Variants in RGS14 observed in about 807,000 individuals in gnomAD.
RGS14 encodes regulator of G protein signaling 14.
RGS14 carries 33 observed loss-of-function variants against 63.8 expected under a neutral mutation model. That is an observed-to-expected ratio of 0.52 (90% CI 0.39 to 0.69). The LOEUF is 0.69. RGS14 is among the 30% of genes least tolerant of loss of function. The pLI is 0.00. For missense variants in RGS14, 739 were observed against 742.9 expected, an observed-to-expected ratio of 0.99 and a Z score of 0.06; for synonymous variants, 296 against 320.9, an observed-to-expected ratio of 0.92 and a Z score of 0.83.
rs773373731 is a variant in RGS14 at position 177,371,132 on chromosome 5, C to T, written c.1255-33C>T. 1.3e-6 allele frequency: 2 copies of T among 1,572,732 alleles called. No homozygotes were observed. The highest frequency in any genetic ancestry group is 1.7e-6 in the Non-Finnish European group (2 of 1,158,400). ...GGCCGGGGCCGGGGCCGGGCGGAGG[C>T]CTGTACCGCGGGCTGCTGACCTCTC... On this transcript the variant is annotated intron_variant, in intron 11 of 14. Transcript: ENST00000408923. The surrounding 1 kb of genome is among the most constrained non-coding windows in gnomAD (Gnocchi z 6.1).
chr5:177,366,333 C>T lies in RGS14; in HGVS notation c.224C>T (p.Pro75Leu), dbSNP rs746954764. Residue 75 changes from proline to leucine, a missense_variant, in exon 3 of 15, where the codon CCG (proline) becomes CTG (leucine). By Grantham distance (98) the Pro-to-Leu change is moderately conservative. Coordinates refer to ENST00000408923, the MANE Select transcript of RGS14 (RefSeq NM_006480.5). ...ALSFERLLQD[P>L]LGLAYFTEFL... The stretch of plus-strand genomic sequence containing the variant: ...TCCTTCGAGCGGCTGTTGCAGGACC[C>T]GCTGGGCCTGGCTTACTTCACTGTA... 1.3e-6 allele frequency: 2 copies of T among 1,549,784 alleles called. No individual in the cohort carries two copies. Among genetic ancestry groups the T allele is most frequent in the Non-Finnish European group, 1.7e-6 (2 of 1,147,134 alleles).
intron 1 of RGS14, among the ~76,000 whole-genome samples, chr5:177,362,823 C>T (rs982616776): frequency 6.6e-6 from 1 of 152,102 alleles, no homozygotes; most frequent in Non-Finnish European, 1.5e-5. Context: ...TGGGGAGGAT[C>T]TAGCAGGCAG....
At position 177,371,708 on chromosome 5, in the gene RGS14, C is replaced by T. The variant is rs1410881940; in HGVS notation, c.1498+119C>T. 3 of 1,144,396 alleles carry T rather than the reference C, an allele frequency of 2.6e-6. No homozygotes were observed. Among genetic ancestry groups the T allele is most frequent in the Middle Eastern group, 2.5e-4 (1 of 3,954 alleles). The allele number at this position is 1,144,396 out of a possible 1,614,324, so 70.9% of individuals were successfully genotyped here. A position where few individuals can be genotyped will look rare whatever the true frequency, so the allele number is the denominator to read the frequency against. Reference sequence around the variant, plus strand: ...GGGCTGGGTGCCACTGGGCGTGGAACAGGAAGGATGGGGGTTGGGGGGTCA... The same window carrying T: ...GGGCTGGGTGCCACTGGGCGTGGAATAGGAAGGATGGGGGTTGGGGGGTCA... On this transcript the variant is annotated intron_variant, in intron 14 of 14. Transcript: ENST00000408923. The surrounding 1 kb of genome is among the most constrained non-coding windows in gnomAD (Gnocchi z 6.1).
rs1431037582 is a variant in RGS14 at position 177,358,010 on chromosome 5, CT to C, written c.-14del. The stretch of plus-strand genomic sequence containing the variant: ...TGGGCAGCCCCCGCGGCGGGGACCC[CT>C]GATCGGCAGCGGCATGCCAGGGAAG... On this transcript the variant is annotated 5_prime_UTR_variant, in exon 1 of 15. It removes the in-frame stop codon of an upstream open reading frame in the 5' UTR. Transcript: ENST00000408923. The surrounding 1 kb of genome is among the most constrained non-coding windows in gnomAD (Gnocchi z 4.8). 26 of 1,356,370 alleles carry C rather than the reference CT, an allele frequency of 1.9e-5. No homozygotes were observed. The highest frequency in any genetic ancestry group is 6.1e-5 in the Admixed American group (2 of 32,864). 84.0% of individuals were successfully genotyped at this position (1,356,370 alleles called of 1,614,324 possible).
At chr5:177,367,331 A>G (rs1206009927) in intron 5 of RGS14, 83 bp from the exon 6 acceptor site, 4 of 1,470,034 alleles carry the variant, frequency 2.7e-6, no homozygotes, top group East Asian at 5.0e-5. Context: ...GGGCGGGGCC[A>G]GCCCCAAGGA....
chr5:177,371,701 C>G lies in RGS14; in HGVS notation c.1498+112C>G, dbSNP rs906062996. The G allele has an allele frequency of 5.0e-5, 47 of 940,514 alleles. No homozygotes were observed. Among genetic ancestry groups the G allele is most frequent in the Non-Finnish European group, 6.9e-5 (47 of 677,504 alleles). The allele number at this position is 940,514 out of a possible 1,614,324, so 58.3% of individuals were successfully genotyped here. The stretch of plus-strand genomic sequence containing the variant: ...AGGCAGGGGGCTGGGTGCCACTGGG[C>G]GTGGAACAGGAAGGATGGGGGTTGG... On this transcript the variant is annotated intron_variant, in intron 14 of 14. Transcript: ENST00000408923. The surrounding 1 kb of genome is among the most constrained non-coding windows in gnomAD (Gnocchi z 6.1).
At position 177,370,619 on chromosome 5, in the gene RGS14, T is replaced by A; in HGVS notation, c.1082T>A (p.Val361Glu). Residue 361 changes from valine (V) to glutamate (E), a missense_variant, in exon 10 of 15, where the codon GTG becomes GAG. Val to Glu is a moderately radical substitution (Grantham distance 121, BLOSUM62 -2). Coordinates refer to ENST00000408923, the MANE Select transcript of RGS14 (RefSeq NM_006480.5). Reference protein sequence around the residue: ...QALVLDQDCTVLADQEVRLEN... With the variant: ...QALVLDQDCTELADQEVRLEN... ...CTGGTCCTGGATCAGGACTGCACCG[T>A]GCTGGCGGATCAGGAAGTGCGGCTG... 6.2e-7 allele frequency: 1 copy of A among 1,614,098 alleles called. No homozygotes were observed. The highest frequency in any genetic ancestry group is 8.5e-7 in the Non-Finnish European group (1 of 1,179,982).
intron 1 of RGS14, among the ~76,000 whole-genome samples, chr5:177,363,272 G>T (rs1455511497): frequency 1.3e-5 from 2 of 151,992 alleles, no homozygotes; most frequent in Admixed American, 6.6e-5. Flanking sequence ...TTGACTCTGC[G>T]GGGAGGACAG....
chr5:177,365,844 T>G, intron 1 of RGS14, 119 bp from the exon 2 acceptor site: 1 of 1,014,962 alleles, frequency 9.9e-7, no homozygotes, highest in Non-Finnish European at 1.6e-6. Flanking sequence ...AAGTAGAACC[T>G]GGCCGGGGAT....
At position 177,371,069 on chromosome 5, in the gene RGS14, C is replaced by CGGGGCGGGGCCGGGGCCG. The variant is rs566940283; in HGVS notation, c.1254+41_1254+42insGCGGGGCCGGGGCCGGGG. The CGGGGCGGGGCCGGGGCCG allele has an allele frequency of 2.2e-5, 12 of 552,532 alleles. No individual in the cohort carries two copies. The African/African-American group carries it at 3.9e-4, about 18-fold the overall frequency. 34.2% of individuals were successfully genotyped at this position (552,532 alleles called of 1,614,324 possible). On this transcript the variant is annotated intron_variant, in intron 11 of 14. Transcript: ENST00000408923. This position sits in a 1 kb window ranked among gnomAD's most constrained non-coding sequence, Gnocchi z 6.1. ...GCCGCGGGGCGGGGCGGGGCGGGGCCGGGCCGGGGCCGGGGCCGGGGCCGG... is the reference window on the plus strand; with the variant it reads ...GCCGCGGGGCGGGGCGGGGCGGGGCCGGGGCGGGGCCGGGGCCGGGGCCGGGGCCGGGGCCGGGGCCGG...
Position 177,367,766 on chromosome 5 carries a change from G to A in RGS14, c.680G>A (p.Gly227Glu), listed in dbSNP as rs112492565. The A allele has an allele frequency of 1.2e-6, 2 of 1,612,858 alleles. No individual in the cohort carries two copies. Among genetic ancestry groups the A allele is most frequent in the Non-Finnish European group, 1.7e-6 (2 of 1,179,634 alleles). Residue 227 changes from glycine (G) to glutamate (E), a missense_variant, in exon 7 of 15, where the codon GGG becomes GAG. Transcript: ENST00000408923. ...CTGCCGCTGGGTGTGGAGGAGTTGG[G>A]GCAGCTGCCACCCGTTGAGGGTCCT... is the stretch of plus-strand genomic sequence containing the variant. ...KSLPLGVEELGQLPPVEGPGG... is the reference protein window; with the variant it reads ...KSLPLGVEELEQLPPVEGPGG...
rs1762085743 is a variant in RGS14, at chr5:177,366,157, A to G, written c.68-20A>G. On this transcript the variant is annotated intron_variant, in intron 2 of 14. Transcript: ENST00000408923. ...GGGGAAGGCAGCAAGGCTCACCCCA[A>G]CTTGTCCATCCCCCTGCAGAGCTGA... is the stretch of plus-strand genomic sequence containing the variant. The G allele has an allele frequency of 6.2e-7, 1 of 1,600,828 alleles. No homozygotes were observed. Among genetic ancestry groups the G allele is most frequent in the Non-Finnish European group, 8.5e-7 (1 of 1,173,210 alleles).
At chr5:177,365,883 C>G in intron 1 of RGS14, 80 bp from the exon 2 acceptor site, 1 of 1,449,878 alleles carries the variant, frequency 6.9e-7, no homozygotes, top group Admixed American at 1.7e-5. Context: ...GCAGTTCCAG[C>G]TCCTGGGAGT....
intron 2 of RGS14, 65 bp from the exon 3 acceptor site, chr5:177,366,112 G>T: frequency 1.9e-6 from 3 of 1,603,332 alleles, no homozygotes; most frequent in Non-Finnish European, 2.6e-6. Flanking sequence ...CATGGGGGAG[G>T]GTGGGTTGTG....
Position 177,358,537 on chromosome 5 carries a change from G to C in RGS14, c.45+468G>C, listed in dbSNP as rs995497149. On this transcript the variant is annotated intron_variant, in intron 1 of 14. Transcript: ENST00000408923. The surrounding 1 kb of genome is among the most constrained non-coding windows in gnomAD (Gnocchi z 4.8). ...TCCTCCAGCCGGAGCTACTCCAGAG[G>C]CTTCCTGCCAGAACTAGCATTGTTT... is the stretch of plus-strand genomic sequence containing the variant. Among the ~76,000 whole-genome samples the C allele has an allele frequency of 1.3e-5, 2 of 152,224 alleles. No homozygotes were observed. Among genetic ancestry groups the C allele is most frequent in the African/African-American group, 4.8e-5 (2 of 41,450 alleles).
In RGS14 at chr5:177,371,370, C is replaced by T. The variant is rs1036084789; in HGVS notation, c.1357C>T (p.Arg453Cys). The change falls in exon 13 of 15, where the codon CGT becomes TGT. Residue 453 changes from arginine (R) to cysteine (C), a missense_variant. Physicochemically the swap from Arg to Cys is radical, Grantham distance 180. Coordinates refer to ENST00000408923, the MANE Select transcript of RGS14 (RefSeq NM_006480.5). The surrounding 1 kb of genome is among the most constrained non-coding windows in gnomAD (Gnocchi z 6.1). ...TLPGVKISKA[R>C]DKSPCRSQGC... ...TGCAGGTGTGAAGATCTCCAAAGCC[C>T]GTGACAAATCTCCCTGCCGCAGCCA... is the stretch of plus-strand genomic sequence containing the variant. 4 of 1,613,640 alleles carry T rather than the reference C, an allele frequency of 2.5e-6. No homozygotes were observed. The African/African-American group carries it at 5.3e-5, about 22-fold the overall frequency.
At position 177,358,046 on chromosome 5, in the gene RGS14, C is replaced by G; in HGVS notation, c.22C>G (p.Leu8Val). 7.4e-7 allele frequency: 1 copy of G among 1,356,604 alleles called. No homozygotes were observed. The highest frequency in any genetic ancestry group is 2.9e-5 in the East Asian group (1 of 34,762). 84.0% of individuals were successfully genotyped at this position (1,356,604 alleles called of 1,614,324 possible). Residue 8 changes from leucine (L) to valine (V), a missense_variant, in exon 1 of 15, where the codon CTG becomes GTG. Transcript: ENST00000408923. The surrounding 1 kb of genome is among the most constrained non-coding windows in gnomAD (Gnocchi z 4.8). MPGKPKHLGVPNGRMVLA... is the reference protein window; with the variant it reads MPGKPKHVGVPNGRMVLA... ...CGGCATGCCAGGGAAGCCCAAGCAC[C>G]TGGGCGTCCCCAACGGGCGCATGGT...
At chr5:177,365,856 C>G (rs1252058012) in intron 1 of RGS14, 107 bp from the exon 2 acceptor site, 1 of 1,147,678 alleles carries the variant, frequency 8.7e-7, no homozygotes, top group African/African-American at 1.5e-5. Flanking sequence ...GCCGGGGATG[C>G]CCAGGTGGAG....
intron 7 of RGS14, 145 bp downstream of exon 7, chr5:177,367,970 G>T: frequency 6.9e-7 from 1 of 1,438,962 alleles, no homozygotes. Context: ...ACACTCCCCT[G>T]GGTGGTTCGG....
Sources: allele counts gnomAD v4.1 joint callset (sites outside exome capture counted in the v4.1 genomes callset), GRCh38; gene constraint gnomAD v4.1.1; non-coding constraint Gnocchi (gnomAD v3.1); transcripts MANE v1.5; gene names NCBI Gene and HGNC (gene_info 2026-07-23, HGNC 2026-07-21).